SLC10A7: variants seen among roughly 807,000 people sequenced by gnomAD.
SLC10A7 encodes the protein sodium/bile acid cotransporter 7.
In SLC10A7, 29 loss-of-function variants were observed where a neutral mutation model predicts 43.2. The observed-to-expected ratio is 0.67, with a 90% CI of 0.50 to 0.92. The LOEUF (loss-of-function observed/expected upper bound fraction) is 0.92. SLC10A7 is among the 40% of genes least tolerant of loss of function. SLC10A7 has a pLI of 0.00. For synonymous variants in SLC10A7, 152 were observed against 144.8 expected, an observed-to-expected ratio of 1.05 and a Z score of -0.35; for missense variants, 295 against 403.2, an observed-to-expected ratio of 0.73 and a Z score of 2.30.
chr4:146,415,441 C>T (rs1728496787), intron 5 of SLC10A7, among the ~76,000 whole-genome samples: 1 of 152,270 alleles, frequency 6.6e-6, no homozygotes, highest in East Asian at 1.9e-4. Flanking sequence ...TAATATTTAA[C>T]ACCACATACT....
At chr4:146,477,160 C>A (rs1734099695) in intron 4 of SLC10A7, among the ~76,000 whole-genome samples, 3 of 152,182 alleles carry the variant, frequency 2.0e-5, no homozygotes, top group Admixed American at 2.0e-4. Flanking sequence ...ACACATATCT[C>A]CAATTAGATT....
chr4:146,418,664 TACA>T (rs1281484964), intron 5 of SLC10A7, among the ~76,000 whole-genome samples: 4 of 152,202 alleles, frequency 2.6e-5, no homozygotes, highest in Admixed American at 2.6e-4. Flanking sequence ...TACCACTCGA[TACA>T]ACACTTCTGA....
At chr4:146,436,077 A>C (rs1171192519) in intron 5 of SLC10A7, among the ~76,000 whole-genome samples, 1 of 152,130 alleles carries the variant, frequency 6.6e-6, no homozygotes, top group African/African-American at 2.4e-5. Flanking sequence ...AAAATAAAAA[A>C]AAAAGTTGCT....
At chr4:146,517,809 C>A (rs568222362) in intron 1 of SLC10A7, among the ~76,000 whole-genome samples, 3 of 152,178 alleles carry the variant, frequency 2.0e-5, no homozygotes, top group African/African-American at 2.4e-5. Flanking sequence ...GTTCCCTTCT[C>A]TTTAGCAAAT....
intron 5 of SLC10A7, among the ~76,000 whole-genome samples, chr4:146,406,245 A>G (rs901888254): frequency 6.6e-6 from 1 of 152,204 alleles, no homozygotes; most frequent in East Asian, 1.9e-4. Context: ...CAATTATAGA[A>G]TTTTATAGAA....
chr4:146,474,592 T>C (rs960795279), intron 4 of SLC10A7, among the ~76,000 whole-genome samples: 5 of 152,058 alleles, frequency 3.3e-5, no homozygotes, highest in Non-Finnish European at 5.9e-5. Context: ...TTATCTTAAA[T>C]AGCAACTTAT....
chr4:146,293,867 A>G, intron 8 of SLC10A7, 63 bp downstream of exon 8: 1 of 1,066,866 alleles, frequency 9.4e-7, no homozygotes, highest in Non-Finnish European at 1.3e-6. Context: ...GAGAACACAC[A>G]GTGCTACGCG....
intron 5 of SLC10A7, among the ~76,000 whole-genome samples, chr4:146,332,958 G>A (rs955771739): frequency 6.6e-6 from 1 of 152,126 alleles, no homozygotes; most frequent in Non-Finnish European, 1.5e-5. Flanking sequence ...GGCCTTACAG[G>A]AATGGCAGCT....
chr4:146,434,534 T>C (rs1730049234), intron 5 of SLC10A7, among the ~76,000 whole-genome samples: 1 of 152,164 alleles, frequency 6.6e-6, no homozygotes, highest in African/African-American at 2.4e-5. Context: ...ATTGAGATGA[T>C]AACCTACTGC....
At chr4:146,521,520 G>T in intron 1 of SLC10A7, 98 bp downstream of exon 1, 1 of 981,802 alleles carries the variant, frequency 1.0e-6, no homozygotes, top group Non-Finnish European at 1.5e-6. Context: ...CCTGAAATTG[G>T]CAAGCGCTTG....
intron 10 of SLC10A7, among the ~76,000 whole-genome samples, chr4:146,266,911 AATAAT>A (rs1728594836): frequency 6.6e-6 from 1 of 152,310 alleles, no homozygotes; most frequent in African/African-American, 2.4e-5. Context: ...TAAAGAATAA[AATAAT>A]ATAAAATGTC....
intron 5 of SLC10A7, among the ~76,000 whole-genome samples, chr4:146,350,090 C>T (rs28833493): frequency 2.0e-5 from 3 of 151,324 alleles, no homozygotes; most frequent in African/African-American, 4.9e-5. Flanking sequence ...ACGCAGAAGA[C>T]GGGTGATTTC....
intron 10 of SLC10A7, among the ~76,000 whole-genome samples, chr4:146,275,872 G>T (rs1307759206): frequency 2.0e-5 from 3 of 151,706 alleles, no homozygotes; most frequent in Non-Finnish European, 2.9e-5. Flanking sequence ...TCTCAGCTTG[G>T]ACCTTTTAGG....
In SLC10A7 at chr4:146,288,669, C is replaced by T. The variant is rs1173449141; in HGVS notation, c.773+4260G>A. Among the ~76,000 whole-genome samples, 4 of 152,166 alleles carry T rather than the reference C, an allele frequency of 2.6e-5. No individual in the cohort carries two copies. In the East Asian group the frequency reaches 7.7e-4, roughly 29 times the overall value. ...ACCCAGAAAAATCAAGTGTCCTGTACATCATATTTGAGTAGTAATGACTAA... is the reference window on the plus strand; with the variant it reads ...ACCCAGAAAAATCAAGTGTCCTGTATATCATATTTGAGTAGTAATGACTAA... On this transcript the variant is annotated intron_variant, in intron 9 of 11. Coordinates refer to ENST00000335472, the MANE Select transcript of SLC10A7 (RefSeq NM_001029998.6).
chr4:146,317,780 GCCACCAC>G, intron 6 of SLC10A7, among the ~76,000 whole-genome samples: 4 of 151,974 alleles, frequency 2.6e-5, no homozygotes, highest in Admixed American at 2.6e-4. Context: ...ACCTATACCA[GCCACCAC>G]CCCCAACCCC....
chr4:146,276,071 C>T (rs1216259862), intron 10 of SLC10A7, among the ~76,000 whole-genome samples: 1 of 152,066 alleles, frequency 6.6e-6, no homozygotes, highest in Admixed American at 6.5e-5. Flanking sequence ...TGGGATTTGC[C>T]AGATTCTTAT....
At chr4:146,442,951 T>C (rs1238422033) in intron 4 of SLC10A7, 130 bp from the exon 5 acceptor site, 1 of 667,762 alleles carries the variant, frequency 1.5e-6, no homozygotes, top group Non-Finnish European at 2.5e-6. Context: ...GCAAAGTTAG[T>C]CACTGCTTAC....
At chr4:146,355,452 T>A (rs958926602) in intron 5 of SLC10A7, among the ~76,000 whole-genome samples, 4 of 152,080 alleles carry the variant, frequency 2.6e-5, no homozygotes, top group African/African-American at 9.7e-5. Flanking sequence ...GACTGTAAAC[T>A]AGTTCAACCA....
At chr4:146,394,091 A>T (rs937857909) in intron 5 of SLC10A7, among the ~76,000 whole-genome samples, 2 of 152,208 alleles carry the variant, frequency 1.3e-5, no homozygotes, top group African/African-American at 4.8e-5. Flanking sequence ...TATTTCAGGA[A>T]ATCTAATCAG....
Sources: gnomAD v4.1 joint callset for allele counts (sites outside exome capture counted in the v4.1 genomes callset) on GRCh38, gnomAD v4.1.1 for gene constraint, MANE v1.5 for transcripts, NCBI Gene and HGNC (gene_info 2026-07-23, HGNC 2026-07-21) for gene names.